Variants in IMMP2L observed in about 807,000 individuals in gnomAD.
IMMP2L encodes mitochondrial inner membrane protease subunit 2.
IMMP2L carries 18 observed loss-of-function variants against 19.3 expected under a neutral mutation model. The ratio of observed to expected loss-of-function variants is 0.93; its 90% CI spans 0.64 to 1.38. The LOEUF (loss-of-function observed/expected upper bound fraction) is 1.38. IMMP2L is among the 40% of genes most tolerant of loss of function. The pLI is 0.00. For synonymous variants in IMMP2L, 76 were observed against 73.0 expected, an observed-to-expected ratio of 1.04 and a Z score of -0.21; for missense variants, 233 against 218.2, an observed-to-expected ratio of 1.07 and a Z score of -0.43.
intron 3 of IMMP2L, chr7:111,125,385 A>C (rs1801187143): frequency 6.0e-6 from 1 of 167,296 alleles, no homozygotes; most frequent in Non-Finnish European, 1.5e-5. Context: ...ATAAGGAAAA[A>C]TACATTTTGG....
chr7:111,010,224 T>C (rs1267741383), intron 3 of IMMP2L, among the ~76,000 whole-genome samples: 1 of 152,138 alleles, frequency 6.6e-6, no homozygotes, highest in African/African-American at 2.4e-5. Context: ...CTAATACATA[T>C]TTTCAAAGAC....
In IMMP2L at chr7:111,095,371, TC is replaced by T. The variant is rs1330187752; in HGVS notation, c.240-131807del. Among the ~76,000 whole-genome samples the T allele has an allele frequency of 5.3e-5, 8 of 151,956 alleles. No individual in the cohort carries two copies. In the East Asian group the frequency reaches 1.5e-3, roughly 29 times the overall value. On this transcript the variant is annotated intron_variant, in intron 3 of 5. Transcript: ENST00000405709. ...TCCAGAATTCCATTAAAATTCTGCC[TC>T]CTTGGTCTTTCAAAAATAATGTTTT...
chr7:110,917,086 A>C (rs1371042697), intron 4 of IMMP2L, among the ~76,000 whole-genome samples: 1 of 152,188 alleles, frequency 6.6e-6, no homozygotes, highest in East Asian at 1.9e-4. Flanking sequence ...ATTAGTATCC[A>C]TGTGACAAAA....
chr7:110,966,213 A>G (rs1819534917), intron 3 of IMMP2L, among the ~76,000 whole-genome samples: 1 of 152,086 alleles, frequency 6.6e-6, no homozygotes. Flanking sequence ...TAGCAGAGAG[A>G]GAAATGTGCA....
At chr7:111,425,235 G>T (rs895195645) in intron 3 of IMMP2L, among the ~76,000 whole-genome samples, 1 of 151,684 alleles carries the variant, frequency 6.6e-6, no homozygotes, top group Non-Finnish European at 1.5e-5. Context: ...GAGAAATGTG[G>T]TTCCCTGTGA....
At chr7:110,822,879 G>A (rs894049645) in intron 5 of IMMP2L, among the ~76,000 whole-genome samples, 4 of 152,100 alleles carry the variant, frequency 2.6e-5, no homozygotes, top group African/African-American at 7.2e-5. Context: ...TTCACAGAAT[G>A]TAAGAAGTAT....
At chr7:111,202,583 C>A (rs1457704749) in intron 3 of IMMP2L, among the ~76,000 whole-genome samples, 2 of 152,070 alleles carry the variant, frequency 1.3e-5, no homozygotes, top group African/African-American at 2.4e-5. Flanking sequence ...CTCTAATGAT[C>A]GACAGTACAG....
At chr7:111,226,835 T>C (rs1267240594) in intron 3 of IMMP2L, among the ~76,000 whole-genome samples, 1 of 151,990 alleles carries the variant, frequency 6.6e-6, no homozygotes, top group Non-Finnish European at 1.5e-5. Flanking sequence ...TTTGGTAAAC[T>C]GACTAGAAGG....
intron 4 of IMMP2L, among the ~76,000 whole-genome samples, chr7:110,925,151 TATATGGATATAGAA>T (rs1181112249): frequency 6.6e-6 from 1 of 152,166 alleles, no homozygotes; most frequent in African/African-American, 2.4e-5. Context: ...TTTATTTTTC[TATATGGATATAGAA>T]ATATGGATAT....
intron 3 of IMMP2L, among the ~76,000 whole-genome samples, chr7:111,258,267 C>T (rs1217861965): frequency 1.3e-5 from 2 of 151,948 alleles, no homozygotes; most frequent in Admixed American, 6.6e-5. Context: ...AACATGTCAC[C>T]CCTCATGTGT....
At chr7:111,324,374 T>C (rs890406555) in intron 3 of IMMP2L, among the ~76,000 whole-genome samples, 2 of 151,862 alleles carry the variant, frequency 1.3e-5, no homozygotes, top group African/African-American at 2.4e-5. Flanking sequence ...TAAAATAAAA[T>C]TTCATTTGGC....
chr7:111,538,346 T>G (rs979684504), intron 1 of IMMP2L, among the ~76,000 whole-genome samples: 2 of 151,976 alleles, frequency 1.3e-5, no homozygotes, highest in Non-Finnish European at 2.9e-5. Flanking sequence ...GCCATAAATT[T>G]TATGTGTGTG....
chr7:111,115,172 A>G (rs971511055), intron 3 of IMMP2L, among the ~76,000 whole-genome samples: 1 of 152,232 alleles, frequency 6.6e-6, no homozygotes, highest in Non-Finnish European at 1.5e-5. Flanking sequence ...AAATCAGGCA[A>G]TCAAACTCCA....
At chr7:111,515,265 A>T (rs551142154) in intron 2 of IMMP2L, among the ~76,000 whole-genome samples, 1 of 152,272 alleles carries the variant, frequency 6.6e-6, no homozygotes, top group African/African-American at 2.4e-5. Context: ...GGTGCAGTGA[A>T]TGTGAATTCA....
At chr7:111,445,987 C>T (rs962406407) in intron 3 of IMMP2L, among the ~76,000 whole-genome samples, 4 of 151,896 alleles carry the variant, frequency 2.6e-5, no homozygotes, top group South Asian at 2.1e-4. Flanking sequence ...CCGAATATTG[C>T]GCTTTTCAGA....
intron 3 of IMMP2L, among the ~76,000 whole-genome samples, chr7:111,372,400 C>G (rs1270094980): frequency 6.6e-6 from 1 of 151,998 alleles, no homozygotes; most frequent in East Asian, 1.9e-4. Flanking sequence ...ATACGTATCT[C>G]TTGTTCTCCT....
intron 3 of IMMP2L, among the ~76,000 whole-genome samples, chr7:111,334,579 C>A (rs550590695): frequency 6.6e-6 from 1 of 152,170 alleles, no homozygotes; most frequent in South Asian, 2.1e-4. Context: ...AAATTCCCAG[C>A]TCATAAAGGC....
intron 3 of IMMP2L, among the ~76,000 whole-genome samples, chr7:111,158,475 A>G (rs528347835): frequency 6.6e-6 from 1 of 152,122 alleles, no homozygotes; most frequent in Non-Finnish European, 1.5e-5. Flanking sequence ...GCCTTGAGGT[A>G]ATGATGTGCT....
chr7:111,482,883 C>A (rs1682361834), intron 3 of IMMP2L, among the ~76,000 whole-genome samples: 1 of 152,024 alleles, frequency 6.6e-6, no homozygotes, highest in Non-Finnish European at 1.5e-5. Flanking sequence ...CTGGACAGTA[C>A]CCTTCAAAAG....
Sources: allele counts gnomAD v4.1 joint callset (sites outside exome capture counted in the v4.1 genomes callset), GRCh38; gene constraint gnomAD v4.1.1; transcripts MANE v1.5; gene names NCBI Gene and HGNC (gene_info 2026-07-23, HGNC 2026-07-21).